Variants in SLC38A4 observed in about 807,000 individuals in gnomAD.
The protein encoded by SLC38A4 is solute carrier family 38 member 4.
In SLC38A4, 20 loss-of-function variants were observed where a neutral mutation model predicts 63.1. That is an observed-to-expected ratio of 0.32 (90% CI 0.22 to 0.46). The LOEUF (loss-of-function observed/expected upper bound fraction) is 0.46. SLC38A4 is among the 20% of genes least tolerant of loss of function. The pLI is 1.00. For synonymous variants in SLC38A4, 230 were observed against 225.5 expected (o/e 1.02, Z -0.18); for missense variants, 526 against 663.6 (o/e 0.79, Z 2.28).
chr12:46,788,677 A>G (rs1414733968), intron 3 of SLC38A4, 59 bp from the exon 4 acceptor site: 4 of 1,441,088 alleles, frequency 2.8e-6, no homozygotes, highest in Non-Finnish European at 3.9e-6. Context: ...GCTCTGAATC[A>G]TATGTATGTT....
At chr12:46,809,310 G>C (rs1939295249) in intron 1 of SLC38A4, among the ~76,000 whole-genome samples, 1 of 152,052 alleles carries the variant, frequency 6.6e-6, no homozygotes, top group African/African-American at 2.4e-5. Flanking sequence ...TTAGAAATAA[G>C]AAATGCATGT....
intron 5 of SLC38A4, among the ~76,000 whole-genome samples, chr12:46,787,411 A>G (rs1208775651): frequency 6.6e-6 from 1 of 152,132 alleles, no homozygotes; most frequent in Non-Finnish European, 1.5e-5. Flanking sequence ...CTGAACTGAC[A>G]TATGAGGAGT....
intron 1 of SLC38A4, among the ~76,000 whole-genome samples, chr12:46,823,676 A>G (rs1248170913): frequency 6.6e-6 from 1 of 152,216 alleles, no homozygotes; most frequent in African/African-American, 2.4e-5. Context: ...AAATTCCAGA[A>G]TGTGAAATTC....
chr12:46,774,956 C>G, intron 14 of SLC38A4, 93 bp downstream of exon 14: 1 of 1,426,622 alleles, frequency 7.0e-7, no homozygotes. Context: ...CAATTGCAAA[C>G]TCACCCTATA....
chr12:46,808,443 T>C (rs1365556533), intron 1 of SLC38A4, among the ~76,000 whole-genome samples: 3 of 151,960 alleles, frequency 2.0e-5, no homozygotes, highest in African/African-American at 7.2e-5. Context: ...TTGGTTCAGG[T>C]TGACAAATTT....
At chr12:46,779,497 A>T in intron 10 of SLC38A4, 114 bp downstream of exon 10, 1 of 807,210 alleles carries the variant, frequency 1.2e-6, no homozygotes, top group Non-Finnish European at 2.0e-6. Context: ...ATCACTTGTG[A>T]TACAAGAACT....
chr12:46,807,426 A>G (rs1015023030), intron 1 of SLC38A4, among the ~76,000 whole-genome samples: 11 of 151,828 alleles, frequency 7.2e-5, no homozygotes, highest in Non-Finnish European at 1.5e-4. Flanking sequence ...TGTCTATCTG[A>G]CCTCCCAGGT....
chr12:46,822,217 T>C, intron 1 of SLC38A4, among the ~76,000 whole-genome samples: 1 of 152,188 alleles, frequency 6.6e-6, no homozygotes. Flanking sequence ...AGGGTTCCAA[T>C]CACTTAACAA....
chr12:46,804,117 GTTA>G (rs1340324206), intron 1 of SLC38A4, among the ~76,000 whole-genome samples: 2 of 151,956 alleles, frequency 1.3e-5, no homozygotes, highest in African/African-American at 4.8e-5. Context: ...TAGTGAAAGA[GTTA>G]TTTTCTTTTA....
intron 3 of SLC38A4, among the ~76,000 whole-genome samples, chr12:46,791,440 G>A (rs550231494): frequency 6.6e-6 from 1 of 152,194 alleles, no homozygotes; most frequent in South Asian, 2.1e-4. Context: ...TCTCTAGTCC[G>A]ACATCCCTAA....
rs560466899 is a variant in SLC38A4, at chr12:46,806,096, G to A, written c.-304-2302C>T. ...AAAAGTCCATGTGAGATTCTAGTAG[G>A]TGGAGAGGAAAAGGAAAGACATCCT... is the stretch of plus-strand genomic sequence containing the variant. On this transcript the variant is annotated intron_variant, in intron 1 of 16. Transcript: ENST00000266579. Among the ~76,000 whole-genome samples the A allele has an allele frequency of 3.0e-4, 46 of 151,732 alleles. No individual in the cohort carries two copies. In the South Asian group the frequency reaches 9.2e-3, roughly 30 times the overall value.
upstream of SLC38A4, among the ~76,000 whole-genome samples, chr12:46,829,506 A>G (rs539240651): frequency 6.6e-6 from 1 of 152,302 alleles, no homozygotes; most frequent in South Asian, 2.1e-4. Flanking sequence ...AGAAAAAAAC[A>G]ACGTCCACAA....
chr12:46,816,951 T>G (rs1436526537), intron 1 of SLC38A4, among the ~76,000 whole-genome samples: 1 of 151,826 alleles, frequency 6.6e-6, no homozygotes, highest in African/African-American at 2.4e-5. Flanking sequence ...GATCTTGGCA[T>G]AGAATAACCT....
intron 7 of SLC38A4, among the ~76,000 whole-genome samples, chr12:46,780,614 T>C (rs11832351): frequency 2.0e-3 from 285 of 142,120 alleles, no homozygotes; most frequent in African/African-American, 3.8e-3. Context: ...TTTTTTTTTT[T>C]CCCCCCTCTT....
At chr12:46,774,613 T>A (rs1025158808) in intron 14 of SLC38A4, among the ~76,000 whole-genome samples, 17 of 152,024 alleles carry the variant, frequency 1.1e-4, no homozygotes, top group African/African-American at 4.1e-4. Flanking sequence ...GGCATCAGGT[T>A]AAAAAAGGCA....
At chr12:46,772,361 A>G (rs1264120759) in intron 14 of SLC38A4, among the ~76,000 whole-genome samples, 1 of 152,118 alleles carries the variant, frequency 6.6e-6, no homozygotes, top group Non-Finnish European at 1.5e-5. Context: ...AAATACAAGT[A>G]GCTAGGGATC....
At chr12:46,791,509 T>C (rs1274630642) in intron 3 of SLC38A4, among the ~76,000 whole-genome samples, 1 of 152,212 alleles carries the variant, frequency 6.6e-6, no homozygotes. Context: ...TGGATTTTCC[T>C]GGGTGTTGTA....
intron 14 of SLC38A4, among the ~76,000 whole-genome samples, chr12:46,773,407 T>C (rs1938459679): frequency 6.6e-6 from 1 of 151,988 alleles, no homozygotes; most frequent in Non-Finnish European, 1.5e-5. Flanking sequence ...ATTGCAAGGG[T>C]GAGGACAGGA....
At chr12:46,815,118 T>C (rs920727227) in intron 1 of SLC38A4, among the ~76,000 whole-genome samples, 2 of 151,570 alleles carry the variant, frequency 1.3e-5, no homozygotes, top group African/African-American at 4.8e-5. Flanking sequence ...TCACAGTTAT[T>C]CTATGTTATG....
Sources: allele counts gnomAD v4.1 joint callset (sites outside exome capture counted in the v4.1 genomes callset), GRCh38; gene constraint gnomAD v4.1.1; transcripts MANE v1.5; gene names NCBI Gene and HGNC (gene_info 2026-07-23, HGNC 2026-07-21).